Variants in CPQ observed in about 807,000 individuals in gnomAD.
CPQ encodes the protein carboxypeptidase Q, also known as Ser-Met dipeptidase.
Under a neutral mutation model 45.7 loss-of-function variants are expected in CPQ, and 37 were observed. The ratio of observed to expected loss-of-function variants is 0.81; its 90% CI spans 0.62 to 1.07. CPQ has a LOEUF of 1.07. Among genes scored for constraint, CPQ ranks in the 50% least tolerant of loss-of-function variants. The pLI is 0.00. For missense variants in CPQ, 537 were observed against 572.9 expected, an observed-to-expected ratio of 0.94 and a Z score of 0.64; for synonymous variants, 186 against 205.8, an observed-to-expected ratio of 0.90 and a Z score of 0.82.
chr8:96,877,109 G>T (rs1038250005), intron 3 of CPQ, among the ~76,000 whole-genome samples: 13 of 152,110 alleles, frequency 8.5e-5, no homozygotes, highest in Non-Finnish European at 1.5e-4. Flanking sequence ...ACAGGACGGT[G>T]GTGTTTGTGC....
intron 1 of CPQ, among the ~76,000 whole-genome samples, chr8:96,671,772 T>G (rs1809007496): frequency 1.3e-5 from 2 of 152,140 alleles, no homozygotes; most frequent in South Asian, 4.1e-4. Context: ...ATGGAATATA[T>G]GAAGGTTTAG....
intron 6 of CPQ, among the ~76,000 whole-genome samples, chr8:97,064,685 C>T (rs1057011893): frequency 2.6e-5 from 4 of 152,156 alleles, no homozygotes; most frequent in Admixed American, 6.5e-5. Context: ...CTTATAACTA[C>T]AATATACTTC....
chr8:96,790,810 A>G (rs559304291), intron 2 of CPQ, among the ~76,000 whole-genome samples: 1 of 152,228 alleles, frequency 6.6e-6, no homozygotes, highest in African/African-American at 2.4e-5. Flanking sequence ...GAGAGACATT[A>G]AATTATTTTT....
intron 5 of CPQ, among the ~76,000 whole-genome samples, chr8:97,018,855 G>A (rs978575628): frequency 6.6e-6 from 1 of 152,098 alleles, no homozygotes; most frequent in East Asian, 1.9e-4. Flanking sequence ...TAAAGAACTA[G>A]TCATCCAAAT....
chr8:97,110,409 AT>A (rs1811480572), intron 7 of CPQ, among the ~76,000 whole-genome samples: 1 of 152,156 alleles, frequency 6.6e-6, no homozygotes, highest in Non-Finnish European at 1.5e-5. Context: ...TTTGGCATTT[AT>A]GAGTAGAGCT....
At chr8:96,763,678 C>T (rs1452804658) in intron 1 of CPQ, among the ~76,000 whole-genome samples, 1 of 151,924 alleles carries the variant, frequency 6.6e-6, no homozygotes, top group East Asian at 1.9e-4. Flanking sequence ...ATATAAAAAA[C>T]TCTAAGATAT....
intron 5 of CPQ, among the ~76,000 whole-genome samples, chr8:97,013,328 T>A (rs1255888501): frequency 1.3e-5 from 2 of 152,170 alleles, no homozygotes; most frequent in Non-Finnish European, 2.9e-5. Context: ...AATGATTTAA[T>A]GTTCAAAAAT....
intron 1 of CPQ, among the ~76,000 whole-genome samples, chr8:96,706,152 T>C (rs1809528337): frequency 6.6e-6 from 1 of 152,206 alleles, no homozygotes; most frequent in African/African-American, 2.4e-5. Flanking sequence ...TAATACGTGA[T>C]CTTTGCTGCC....
rs1299867755 is a variant in CPQ at position 97,019,938 on chromosome 8, G to A, written c.962-9465G>A. 4.6e-5 allele frequency among the ~76,000 whole-genome samples: 7 copies of A among 152,082 alleles called. No individual in the cohort carries two copies. In the East Asian group the frequency reaches 1.3e-3, roughly 29 times the overall value. On this transcript the variant is annotated intron_variant, in intron 5 of 7. Transcript: ENST00000220763. Reference sequence around the variant, plus strand: ...CAGAATATACATATTCTATTCATCAGCACATGGAACTTTCTCCAAGATAGA... The same window carrying A: ...CAGAATATACATATTCTATTCATCAACACATGGAACTTTCTCCAAGATAGA...
chr8:96,683,441 T>C (rs887843342), intron 1 of CPQ, among the ~76,000 whole-genome samples: 5 of 152,160 alleles, frequency 3.3e-5, no homozygotes, highest in African/African-American at 9.6e-5. Context: ...ACTTTTTCTG[T>C]TTTTAGAATT....
chr8:97,127,107 G>T (rs1471269187), intron 7 of CPQ, among the ~76,000 whole-genome samples: 1 of 152,062 alleles, frequency 6.6e-6, no homozygotes. Flanking sequence ...CCTCAGGTTA[G>T]GTAAAGATTT....
chr8:97,086,142 C>A (rs1422437934), intron 7 of CPQ, among the ~76,000 whole-genome samples: 1 of 152,096 alleles, frequency 6.6e-6, no homozygotes, highest in African/African-American at 2.4e-5. Flanking sequence ...ACTTAAAAAG[C>A]CTCCTCCACT....
intron 1 of CPQ, among the ~76,000 whole-genome samples, chr8:96,781,374 G>T: frequency 6.6e-6 from 1 of 152,080 alleles, no homozygotes; most frequent in Middle Eastern, 3.2e-3. Flanking sequence ...TTTGCAAAAG[G>T]CATCACATAG....
chr8:96,698,482 C>T (rs563025261), intron 1 of CPQ, among the ~76,000 whole-genome samples: 19 of 151,944 alleles, frequency 1.3e-4, no homozygotes, highest in South Asian at 4.2e-4. Flanking sequence ...AGGCAACCAC[C>T]GCAAAAATTG....
chr8:97,120,044 G>A (rs917075092), intron 7 of CPQ, among the ~76,000 whole-genome samples: 1 of 152,116 alleles, frequency 6.6e-6, no homozygotes, highest in Non-Finnish European at 1.5e-5. Context: ...TTTATTCTTG[G>A]ACACATGACT....
Position 96,684,107 on chromosome 8 carries a change from CT to C in CPQ, c.-35+38711del, listed in dbSNP as rs371802996. Among the ~76,000 whole-genome samples the C allele has an allele frequency of 3.5e-3, 539 of 152,184 alleles. 1 individual carries two copies. Among genetic ancestry groups the C allele is most frequent in the Non-Finnish European group, 6.0e-3 (409 of 68,006 alleles). ...TCTTTTGAAGTGTCATGTTTCTTTG[CT>C]TTTTTGTGTTTTTTGTATCCTTACA... is the stretch of plus-strand genomic sequence containing the variant. On this transcript the variant is annotated intron_variant, in intron 1 of 7. Coordinates refer to ENST00000220763, the MANE Select transcript of CPQ (RefSeq NM_016134.4).
chr8:97,029,980 G>A (rs1193024923), intron 6 of CPQ, among the ~76,000 whole-genome samples: 2 of 152,164 alleles, frequency 1.3e-5, no homozygotes, highest in African/African-American at 2.4e-5. Context: ...GGAATGTGGA[G>A]GACAGCTTGG....
At chr8:96,807,844 G>T (rs980469835) in intron 2 of CPQ, among the ~76,000 whole-genome samples, 1 of 152,148 alleles carries the variant, frequency 6.6e-6, no homozygotes, top group Non-Finnish European at 1.5e-5. Flanking sequence ...AACCAACCTT[G>T]AAAACAAAGT....
chr8:96,891,375 A>G (rs1812373311), intron 4 of CPQ, among the ~76,000 whole-genome samples: 1 of 152,160 alleles, frequency 6.6e-6, no homozygotes. Context: ...ATGGTGCCAT[A>G]TCGAGGGCTC....
Sources: gnomAD v4.1 joint callset for allele counts (sites outside exome capture counted in the v4.1 genomes callset) on GRCh38, gnomAD v4.1.1 for gene constraint, MANE v1.5 for transcripts, NCBI Gene and HGNC (gene_info 2026-07-23, HGNC 2026-07-21) for gene names.